CDC42EP2: variants seen among roughly 807,000 people sequenced by gnomAD.
CDC42EP2 encodes the protein CDC42 effector protein 2, also known as CDC42 effector protein (Rho GTPase binding) 2.
Under a neutral mutation model 7.3 loss-of-function variants are expected in CDC42EP2, and 5 were observed. The observed-to-expected ratio is 0.68, with a 90% CI of 0.36 to 1.44. The LOEUF (loss-of-function observed/expected upper bound fraction) is 1.44. Ranked by LOEUF, CDC42EP2 falls within the 40% of genes most tolerant of loss-of-function variation. CDC42EP2 has a pLI of 0.04. For missense variants in CDC42EP2, 251 were observed against 282.6 expected (o/e 0.89, Z 0.80); for synonymous variants, 113 against 123.6 (o/e 0.91, Z 0.57).
chr11:65,316,452 G>A (rs1283254437), intron 1 of CDC42EP2, among the ~76,000 whole-genome samples: 1 of 152,122 alleles, frequency 6.6e-6, no homozygotes, highest in African/African-American at 2.4e-5. Flanking sequence ...GTAGATGGAG[G>A]AGATCTGGGG....
chr11:65,318,282 ACT>A (rs1276500153), intron 1 of CDC42EP2, among the ~76,000 whole-genome samples: 5 of 69,498 alleles, frequency 7.2e-5, no homozygotes, highest in Non-Finnish European at 1.5e-4. Flanking sequence ...TGAGACGGAG[ACT>A]CTCTCTGTTG....
At chr11:65,317,550 C>T (rs1949953716) in intron 1 of CDC42EP2, among the ~76,000 whole-genome samples, 1 of 152,128 alleles carries the variant, frequency 6.6e-6, no homozygotes, top group Non-Finnish European at 1.5e-5. Context: ...GCTGCCCTTA[C>T]TCACTGGGTG....
intron 1 of CDC42EP2, among the ~76,000 whole-genome samples, chr11:65,317,938 G>A (rs1047639466): frequency 6.6e-6 from 1 of 151,672 alleles, no homozygotes; most frequent in African/African-American, 2.4e-5. Flanking sequence ...ATAGTCATGG[G>A]ACCAAAATAT....
In CDC42EP2 at chr11:65,318,859, T is replaced by A. The variant is rs1949960381; in HGVS notation, c.-355-1685T>A. On this transcript the variant is annotated intron_variant, in intron 1 of 1. Coordinates refer to ENST00000279249, the MANE Select transcript of CDC42EP2 (RefSeq NM_006779.4). The stretch of plus-strand genomic sequence containing the variant: ...TGCTGGGATTACAGAAGTGAGCCAC[T>A]GCACCTGACTTTTTTTTTTTTTTTT... Among the ~76,000 whole-genome samples the A allele has an allele frequency of 2.4e-5, 3 of 126,344 alleles. No homozygotes were observed. In the Admixed American group the frequency reaches 2.7e-4, roughly 11 times the overall value. 82.9% of individuals were successfully genotyped at this position (126,344 alleles called of 152,430 possible).
intron 1 of CDC42EP2, among the ~76,000 whole-genome samples, chr11:65,319,216 C>G (rs1443554039): frequency 2.0e-5 from 3 of 151,394 alleles, no homozygotes; most frequent in Non-Finnish European, 4.4e-5. Context: ...GTAACCTCCA[C>G]CTCCGGGGTT....
At chr11:65,317,639 A>G (rs1949954004) in intron 1 of CDC42EP2, among the ~76,000 whole-genome samples, 1 of 151,954 alleles carries the variant, frequency 6.6e-6, no homozygotes, top group Non-Finnish European at 1.5e-5. Flanking sequence ...ATCAGGTCCC[A>G]TGTGCGTCCC....
chr11:65,321,225 C>A lies in CDC42EP2; in HGVS notation c.327C>A (p.Ser109=). ...CCCCTCTGCTCAAGAACGCCATCTC[C>A]CTCCCGGTTATCGGTGGACCCCAGG... ...GPSPLLKNAI[S]LPVIGGPQAL... The change falls in exon 2 of 2, where the codon TCC becomes TCA. Residue 109 remains serine (S), a synonymous_variant. Coordinates refer to ENST00000279249, the MANE Select transcript of CDC42EP2 (RefSeq NM_006779.4). The surrounding 1 kb of genome is among the most constrained non-coding windows in gnomAD (Gnocchi z 4.4). 1 of 1,614,014 alleles carries A rather than the reference C, an allele frequency of 6.2e-7. No individual in the cohort carries two copies. The highest frequency in any genetic ancestry group is 2.2e-5 in the East Asian group (1 of 44,872).
chr11:65,316,409 G>A (rs1196127955), intron 1 of CDC42EP2, among the ~76,000 whole-genome samples: 1 of 152,138 alleles, frequency 6.6e-6, no homozygotes, highest in Non-Finnish European at 1.5e-5. Flanking sequence ...ACACATGAAA[G>A]TTGGGCAGAC....
At position 65,315,327 on chromosome 11, in the gene CDC42EP2, T is replaced by A. The variant is rs528229775; in HGVS notation, c.-356+373T>A. ...TCCTATCTTTAGCTGCGGCCGCGAA[T>A]GTCCTGAAACGGATCCGGGCTGGGC... On this transcript the variant is annotated intron_variant, in intron 1 of 1. Coordinates refer to ENST00000279249, the MANE Select transcript of CDC42EP2 (RefSeq NM_006779.4). This position sits in a 1 kb window ranked among gnomAD's most constrained non-coding sequence, Gnocchi z 4.1. Among the ~76,000 whole-genome samples the A allele has an allele frequency of 6.9e-4, 105 of 152,228 alleles. No homozygotes were observed. Among genetic ancestry groups the A allele is most frequent in the Non-Finnish European group, 1.3e-3 (86 of 67,996 alleles).
At position 65,321,157 on chromosome 11, in the gene CDC42EP2, C is replaced by A; in HGVS notation, c.259C>A (p.Arg87Ser). 6.2e-7 allele frequency: 1 copy of A among 1,614,112 alleles called. No individual in the cohort carries two copies. The highest frequency in any genetic ancestry group is 8.5e-7 in the Non-Finnish European group (1 of 1,179,992). ...CTTCGACCTCCCCTTCCAGTTCACC[C>A]GCACCGCCACCGTGTGTGGGCGGGA... is the stretch of plus-strand genomic sequence containing the variant. ...GTFDLPFQFT[R>S]TATVCGRELP... is the part of the protein sequence containing the mutation. The change falls in exon 2 of 2, where the codon CGC (arginine) becomes AGC (serine). Residue 87 changes from arginine to serine, a missense_variant. Arg to Ser is a moderately radical substitution (Grantham distance 110, BLOSUM62 -1). Transcript: ENST00000279249. This position sits in a 1 kb window ranked among gnomAD's most constrained non-coding sequence, Gnocchi z 4.4.
chr11:65,321,862 T>G lies in CDC42EP2; in HGVS notation c.*331T>G. The G allele has an allele frequency of 4.0e-6, 1 of 247,794 alleles. No individual in the cohort carries two copies. 15.3% of individuals were successfully genotyped at this position (247,794 alleles called of 1,614,324 possible). On this transcript the variant is annotated 3_prime_UTR_variant, in exon 2 of 2. Transcript: ENST00000279249. This position sits in a 1 kb window ranked among gnomAD's most constrained non-coding sequence, Gnocchi z 4.4. ...GCTGAAACCGACCCCCCTTTTCACGTCCCTTCTGCCTCTGCCCCGTTGGAT... is the reference window on the plus strand; with the variant it reads ...GCTGAAACCGACCCCCCTTTTCACGGCCCTTCTGCCTCTGCCCCGTTGGAT...
In CDC42EP2 at chr11:65,315,108, A is replaced by C. The variant is rs574770334; in HGVS notation, c.-356+154A>C. On this transcript the variant is annotated intron_variant, in intron 1 of 1. Transcript: ENST00000279249. The surrounding 1 kb of genome is among the most constrained non-coding windows in gnomAD (Gnocchi z 4.1). ...GGGCTCCATGGGGCTTCCCACCCGCATCTGGGTTCCCGCAGCCTCGCCCGT... is the reference window on the plus strand; with the variant it reads ...GGGCTCCATGGGGCTTCCCACCCGCCTCTGGGTTCCCGCAGCCTCGCCCGT... Among the ~76,000 whole-genome samples the C allele has an allele frequency of 6.6e-6, 1 of 151,428 alleles. No homozygotes were observed. Among genetic ancestry groups the C allele is most frequent in the East Asian group, 2.0e-4 (1 of 5,104 alleles).
At position 65,321,017 on chromosome 11, in the gene CDC42EP2, CCATT is replaced by C. The variant is rs781290052; in HGVS notation, c.123_126del (p.His42LeufsTer121). ...CCACCGCTGGGGGACTTCCGCCACA[CCATT>C]CATATTGGCAGTGGCGGCGGCAGTG... On this transcript the variant is annotated frameshift_variant, in exon 2 of 2. Transcript: ENST00000279249. LOFTEE classifies it high-confidence loss of function. The surrounding 1 kb of genome is among the most constrained non-coding windows in gnomAD (Gnocchi z 4.4). 1.9e-6 allele frequency: 3 copies of C among 1,614,184 alleles called. No homozygotes were observed. In the Admixed American group the frequency reaches 5.0e-5, roughly 27 times the overall value.
In CDC42EP2 at chr11:65,321,063, CTCCT is replaced by C. The variant is rs1273670279; in HGVS notation, c.170_173del (p.Phe57CysfsTer106). The C allele has an allele frequency of 1.1e-5, 17 of 1,614,046 alleles. No homozygotes were observed. The highest frequency in any genetic ancestry group is 1.4e-5 in the Non-Finnish European group (16 of 1,180,038). The stretch of plus-strand genomic sequence containing the variant: ...GCGGCAGTGACATGTTTGGCGACAT[CTCCT>C]TCCTGCAGGGCAAGTTCCACCTCCT... On this transcript the variant is annotated frameshift_variant, in exon 2 of 2. Transcript: ENST00000279249. LOFTEE classifies it high-confidence loss of function. This position sits in a 1 kb window ranked among gnomAD's most constrained non-coding sequence, Gnocchi z 4.4.
At chr11:65,317,466 C>A (rs1025971751) in intron 1 of CDC42EP2, among the ~76,000 whole-genome samples, 6 of 152,072 alleles carry the variant, frequency 3.9e-5, no homozygotes, top group Admixed American at 6.6e-5. Context: ...CAAGAGCCAC[C>A]TTTGGTGAGC....
chr11:65,321,854 T>C lies in CDC42EP2; in HGVS notation c.*323T>C. 3.8e-6 allele frequency: 1 copy of C among 262,072 alleles called. No homozygotes were observed. The highest frequency in any genetic ancestry group is 7.9e-6 in the Non-Finnish European group (1 of 126,420). The allele number at this position is 262,072 out of a possible 1,614,324, so 16.2% of individuals were successfully genotyped here. A position where few individuals can be genotyped will look rare whatever the true frequency, so the allele number is the denominator to read the frequency against. On this transcript the variant is annotated 3_prime_UTR_variant, in exon 2 of 2. Coordinates refer to ENST00000279249, the MANE Select transcript of CDC42EP2 (RefSeq NM_006779.4). This position sits in a 1 kb window ranked among gnomAD's most constrained non-coding sequence, Gnocchi z 4.4. ...AAGGCTTTGCTGAAACCGACCCCCC[T>C]TTTCACGTCCCTTCTGCCTCTGCCC...
chr11:65,318,013 T>C (rs1949955434), intron 1 of CDC42EP2, among the ~76,000 whole-genome samples: 1 of 151,842 alleles, frequency 6.6e-6, no homozygotes, highest in Non-Finnish European at 1.5e-5. Context: ...CCATCCCTGC[T>C]GTGTACCCTA....
chr11:65,321,150 G>C lies in CDC42EP2; in HGVS notation c.252G>C (p.Gln84His). 1.9e-6 allele frequency: 3 copies of C among 1,614,116 alleles called. No individual in the cohort carries two copies. Among genetic ancestry groups the C allele is most frequent in the South Asian group, 2.2e-5 (2 of 91,076 alleles). ...ATGGCACCTTCGACCTCCCCTTCCA[G>C]TTCACCCGCACCGCCACCGTGTGTG... is the stretch of plus-strand genomic sequence containing the variant. ...EEDGTFDLPF[Q>H]FTRTATVCGR... is the part of the protein sequence containing the mutation. Residue 84 changes from glutamine to histidine, a missense_variant, in exon 2 of 2, where the codon CAG (glutamine) becomes CAC (histidine). By Grantham distance (24) the Gln-to-His change is conservative. Coordinates refer to ENST00000279249, the MANE Select transcript of CDC42EP2 (RefSeq NM_006779.4). This position sits in a 1 kb window ranked among gnomAD's most constrained non-coding sequence, Gnocchi z 4.4.
intron 1 of CDC42EP2, among the ~76,000 whole-genome samples, chr11:65,319,391 G>A (rs1949963358): frequency 6.6e-6 from 1 of 152,056 alleles, no homozygotes; most frequent in African/African-American, 2.4e-5. Flanking sequence ...GCCTCCCAAA[G>A]TGCTGCGATT....
Sources: allele counts gnomAD v4.1 joint callset (sites outside exome capture counted in the v4.1 genomes callset), GRCh38; gene constraint gnomAD v4.1.1; non-coding constraint Gnocchi (gnomAD v3.1); transcripts MANE v1.5; gene names NCBI Gene and HGNC (gene_info 2026-07-23, HGNC 2026-07-21).